ELK4: variants seen among roughly 807,000 people sequenced by gnomAD.
The protein encoded by ELK4 is ETS transcription factor ELK4, also known as ETS domain-containing protein Elk-4.
Under a neutral mutation model 29.6 loss-of-function variants are expected in ELK4, and 16 were observed. That is an observed-to-expected ratio of 0.54 (90% CI 0.37 to 0.82). The LOEUF (loss-of-function observed/expected upper bound fraction) is 0.82, where lower values mean the gene tolerates loss of function less well. ELK4 is among the 40% of genes least tolerant of loss of function. ELK4 has a pLI of 0.00. For synonymous variants in ELK4, 213 were observed against 191.1 expected (o/e 1.11, Z -0.95); for missense variants, 465 against 507.1 (o/e 0.92, Z 0.80).
rs1282244217 is a variant in ELK4 at position 205,610,032 on chromosome 1, AAC to A, written c.*6512_*6513del. 88 of 231,544 alleles carry A rather than the reference AAC, an allele frequency of 3.8e-4. 1 individual carries two copies. In the Admixed American group the frequency reaches 4.8e-3, roughly 13 times the overall value. The allele number at this position is 231,544 out of a possible 1,614,324, so 14.3% of individuals were successfully genotyped here. On this transcript the variant is annotated 3_prime_UTR_variant, in exon 5 of 5. Transcript: ENST00000357992. Reference sequence around the variant, plus strand: ...AAGTGCTTCCAGTTATTAAAAATGAAACAGTGCTAATATTGGTGCCCAAGAAA... The same window carrying A: ...AAGTGCTTCCAGTTATTAAAAATGAAAGTGCTAATATTGGTGCCCAAGAAA...
chr1:205,610,770 C>T lies in ELK4; in HGVS notation c.*5776G>A, dbSNP rs891284542. ...TATGTTCCCTATGAAAACAGATTTA[C>T]ACGCGCACACACACACACACACACA... On this transcript the variant is annotated 3_prime_UTR_variant, in exon 5 of 5. Transcript: ENST00000357992. 4 of 231,134 alleles carry T rather than the reference C, an allele frequency of 1.7e-5. No homozygotes were observed. The highest frequency in any genetic ancestry group is 6.8e-5 in the African/African-American group (3 of 44,318). 14.3% of individuals were successfully genotyped at this position (231,134 alleles called of 1,614,324 possible).
At position 205,614,547 on chromosome 1, in the gene ELK4, G is replaced by C. The variant is rs1017419418; in HGVS notation, c.*1999C>G. ...TCAACACTACTATTGCACATCTCAG[G>C]AACAGAACCTTCAACTGATAACCAC... On this transcript the variant is annotated 3_prime_UTR_variant, in exon 5 of 5. Coordinates refer to ENST00000357992, the MANE Select transcript of ELK4 (RefSeq NM_001973.4). The C allele has an allele frequency of 8.7e-6, 2 of 228,836 alleles. No homozygotes were observed. The highest frequency in any genetic ancestry group is 2.2e-5 in the African/African-American group (1 of 45,168). 14.2% of individuals were successfully genotyped at this position (228,836 alleles called of 1,614,324 possible). A position where few individuals can be genotyped will look rare whatever the true frequency, so the allele number is the denominator to read the frequency against.
At position 205,608,300 on chromosome 1, in the gene ELK4, A is replaced by G. The variant is rs980295565; in HGVS notation, c.*8246T>C. On this transcript the variant is annotated 3_prime_UTR_variant, in exon 5 of 5. Coordinates refer to ENST00000357992, the MANE Select transcript of ELK4 (RefSeq NM_001973.4). ...CTACACATTTTTTTTTTCAAGCAGC[A>G]TATTATTATAAAGCCCTCAAAGTGC... The G allele has an allele frequency of 4.1e-5, 8 of 196,696 alleles. No homozygotes were observed. The highest frequency in any genetic ancestry group is 1.4e-4 in the African/African-American group (6 of 43,284). The allele number at this position is 196,696 out of a possible 1,614,324, so 12.2% of individuals were successfully genotyped here. A position where few individuals can be genotyped will look rare whatever the true frequency, so the allele number is the denominator to read the frequency against.
At position 205,631,933 on chromosome 1, in the gene ELK4, G is replaced by A. The variant is rs1341924593; in HGVS notation, c.-311C>T. 1.3e-5 allele frequency: 2 copies of A among 150,056 alleles called. No homozygotes were observed. Among genetic ancestry groups the A allele is most frequent in the Admixed American group, 6.6e-5 (1 of 15,118 alleles). 9.3% of individuals were successfully genotyped at this position (150,056 alleles called of 1,614,324 possible). ...GCGCGTTCGGGGCGTTCCTTGCAGC[G>A]GCGGGGCCTGCCAGGCCCTCCGCGG... On this transcript the variant is annotated 5_prime_UTR_variant, in exon 1 of 5. Transcript: ENST00000357992.
chr1:205,625,088 T>C (rs1487555528), intron 1 of ELK4, among the ~76,000 whole-genome samples: 1 of 151,994 alleles, frequency 6.6e-6, no homozygotes, highest in Admixed American at 6.6e-5. Context: ...CTCAATGGGT[T>C]AGAATAGAGT....
At chr1:205,629,879 C>G (rs1248510860) in intron 1 of ELK4, among the ~76,000 whole-genome samples, 2 of 151,888 alleles carry the variant, frequency 1.3e-5, no homozygotes, top group Non-Finnish European at 2.9e-5. Flanking sequence ...ATGTTGAAAC[C>G]CTGTCTTTAC....
chr1:205,608,729 A>G lies in ELK4; in HGVS notation c.*7817T>C. On this transcript the variant is annotated 3_prime_UTR_variant, in exon 5 of 5. Coordinates refer to ENST00000357992, the MANE Select transcript of ELK4 (RefSeq NM_001973.4). The stretch of plus-strand genomic sequence containing the variant: ...ACATTATATGTAAGTATCTCTACAA[A>G]GTGTTAGATACTGGATATGAGATAC... The G allele has an allele frequency of 5.2e-6, 1 of 193,136 alleles. No homozygotes were observed. 12.0% of individuals were successfully genotyped at this position (193,136 alleles called of 1,614,324 possible). A position where few individuals can be genotyped will look rare whatever the true frequency, so the allele number is the denominator to read the frequency against.
At chr1:205,619,465 A>G in intron 3 of ELK4, 1 of 1,067,628 alleles carries the variant, frequency 9.4e-7, no homozygotes, top group Non-Finnish European at 1.1e-6. Flanking sequence ...CCAAGACACC[A>G]GCATGTTTGT....
In ELK4 at chr1:205,619,070, G is replaced by A; in HGVS notation, c.1084C>T (p.Pro362Ser). The A allele has an allele frequency of 1.9e-6, 3 of 1,581,704 alleles. No homozygotes were observed. The highest frequency in any genetic ancestry group is 2.6e-6 in the Non-Finnish European group (3 of 1,166,574). ...AAGGGGCTTGGAGTCAGTATGATGGGTGTCTGCAATACACAAAGCAAAAAT... is the reference window on the plus strand; with the variant it reads ...AAGGGGCTTGGAGTCAGTATGATGGATGTCTGCAATACACAAAGCAAAAAT... ...SLTPAFFSQTPIILTPSPLLS... is the reference protein window; with the variant it reads ...SLTPAFFSQTSIILTPSPLLS... The change falls in exon 4 of 5, where the codon CCC becomes TCC. Residue 362 changes from proline to serine, a missense_variant. This residue lies in a region of ELK4 where 80 missense variants were observed against 119.6 expected (regional missense o/e 0.67). Coordinates refer to ENST00000357992, the MANE Select transcript of ELK4 (RefSeq NM_001973.4).
chr1:205,619,942 C>T (rs1670301179), intron 3 of ELK4, 24 bp downstream of exon 3: 1 of 1,614,026 alleles, frequency 6.2e-7, no homozygotes, highest in Admixed American at 1.7e-5. Flanking sequence ...GCAATGGTGA[C>T]ACCATAAAGA....
At position 205,620,088 on chromosome 1, in the gene ELK4, T is replaced by C; in HGVS notation, c.958A>G (p.Lys320Glu). ...GCCAGTTCTAACCCTTTGGGTTTCT[T>C]GGATCTTGATGAATTATTTACTTTG... The part of the protein sequence containing the change: ...KDKVNNSSRS[K>E]KPKGLELAPT... The change falls in exon 3 of 5, where the codon AAG becomes GAG. Residue 320 changes from lysine to glutamate, a missense_variant. By Grantham distance (56) the Lys-to-Glu change is moderately conservative. Coordinates refer to ENST00000357992, the MANE Select transcript of ELK4 (RefSeq NM_001973.4). The C allele has an allele frequency of 6.2e-7, 1 of 1,614,224 alleles. No homozygotes were observed. The highest frequency in any genetic ancestry group is 1.1e-5 in the South Asian group (1 of 91,086).
intron 2 of ELK4, among the ~76,000 whole-genome samples, chr1:205,622,182 C>G (rs1670365688): frequency 6.6e-6 from 1 of 152,046 alleles, no homozygotes. Flanking sequence ...CCACTGTGTT[C>G]CAGCCTGGGC....
chr1:205,627,666 G>A (rs1306279844), intron 1 of ELK4, among the ~76,000 whole-genome samples: 1 of 152,068 alleles, frequency 6.6e-6, no homozygotes, highest in Non-Finnish European at 1.5e-5. Flanking sequence ...CACTATAAAA[G>A]TTAGGTCTGG....
intron 1 of ELK4, among the ~76,000 whole-genome samples, chr1:205,624,823 C>A (rs1670421414): frequency 6.6e-6 from 1 of 152,128 alleles, no homozygotes; most frequent in Non-Finnish European, 1.5e-5. Flanking sequence ...CCAGACACTG[C>A]CAAATATTCC....
chr1:205,624,175 G>A (rs1456888394), intron 1 of ELK4, among the ~76,000 whole-genome samples: 1 of 152,192 alleles, frequency 6.6e-6, no homozygotes, highest in Non-Finnish European at 1.5e-5. Context: ...CTTAAGAAAT[G>A]TCTTAAGCAA....
intron 1 of ELK4, chr1:205,625,527 G>A (rs1030826864): frequency 3.3e-5 from 25 of 766,940 alleles, no homozygotes; most frequent in Non-Finnish European, 5.0e-5. Flanking sequence ...AGAAACGGGC[G>A]GCTCCGAGAG....
At chr1:205,631,078 A>C (rs914150465) in intron 1 of ELK4, among the ~76,000 whole-genome samples, 4 of 152,230 alleles carry the variant, frequency 2.6e-5, no homozygotes, top group African/African-American at 9.6e-5. Context: ...TGATCTTCCC[A>C]GGAATGAAGT....
intron 4 of ELK4, 143 bp downstream of exon 4, chr1:205,618,814 A>G: frequency 2.0e-6 from 1 of 508,800 alleles, no homozygotes; most frequent in South Asian, 2.3e-5. Flanking sequence ...CATGGTGAGG[A>G]CTCCATCTCA....
chr1:205,618,584 G>A (rs1476250060), intron 4 of ELK4, among the ~76,000 whole-genome samples: 1 of 152,224 alleles, frequency 6.6e-6, no homozygotes, highest in East Asian at 1.9e-4. Context: ...AACACTTTGG[G>A]AGGCCAAGGT....
Sources: gnomAD v4.1 joint callset for allele counts (sites outside exome capture counted in the v4.1 genomes callset) on GRCh38, gnomAD v4.1.1 for gene constraint, gnomAD v4.1.1 regional missense constraint, MANE v1.5 for transcripts, NCBI Gene and HGNC (gene_info 2026-07-23, HGNC 2026-07-21) for gene names.